The following FAM220A variants were observed in gnomAD, a reference collection of about 807,000 sequenced individuals.
FAM220A encodes the protein family with sequence similarity 220 member A, also known as protein FAM220A.
For synonymous variants in FAM220A, 141 were observed against 130.7 expected (o/e 1.08, Z -0.54); for missense variants, 392 against 321.6 (o/e 1.22, Z -1.68).
At chr7:6,335,700 T>C (rs951137848) in intron 1 of FAM220A, among the ~76,000 whole-genome samples, 2 of 152,174 alleles carry the variant, frequency 1.3e-5, no homozygotes, top group Admixed American at 1.3e-4. Flanking sequence ...AAGTTTTTAC[T>C]GATAGAATTG....
In FAM220A at chr7:6,330,195, A is replaced by G. The variant is rs1293862525; in HGVS notation, c.*180T>C. 10 of 638,812 alleles carry G rather than the reference A, an allele frequency of 1.6e-5. No individual in the cohort carries two copies. Among genetic ancestry groups the G allele is most frequent in the Non-Finnish European group, 2.7e-5 (10 of 367,720 alleles). The allele number at this position is 638,812 out of a possible 1,614,324, so 39.6% of individuals were successfully genotyped here. On this transcript the variant is annotated 3_prime_UTR_variant, in exon 2 of 2. Coordinates refer to ENST00000313324, the MANE Select transcript of FAM220A (RefSeq NM_001037163.2). ...AAAGCACAATTTAACACATGCCAAA[A>G]AAGTTCCTTCCGCATCAACTGGCTT... is the stretch of plus-strand genomic sequence containing the variant.
At position 6,330,415 on chromosome 7, in the gene FAM220A, A is replaced by G; in HGVS notation, c.740T>C (p.Leu247Pro). Residue 247 changes from leucine to proline, a missense_variant, in exon 2 of 2, where the codon CTG becomes CCG. Coordinates refer to ENST00000313324, the MANE Select transcript of FAM220A (RefSeq NM_001037163.2). ...GLQITLGLLA[L>P]QPFELANTLC... ...TGTATTTGCTAATTCAAAAGGTTGC[A>G]GAGCCAGTAACCCCAGTGTTATCTG... 1 of 1,614,024 alleles carries G rather than the reference A, an allele frequency of 6.2e-7. No individual in the cohort carries two copies. The highest frequency in any genetic ancestry group is 1.7e-4 in the Middle Eastern group (1 of 6,058).
rs769565676 is a variant in FAM220A, at chr7:6,330,515, C to G, written c.640G>C (p.Asp214His). Residue 214 changes from aspartate to histidine, a missense_variant, in exon 2 of 2, where the codon GAC becomes CAC. Physicochemically the swap from Asp to His is moderately conservative, Grantham distance 81 (BLOSUM62 -1). Transcript: ENST00000313324. ...TTTGAAAACATGGGCTTTAAACGGT[C>G]AAGGAAAATGCGTTTTGTCTCCTCA... is the stretch of plus-strand genomic sequence containing the variant. ...LSEETKRIFLDRLKPMFSKQT... is the reference protein window; with the variant it reads ...LSEETKRIFLHRLKPMFSKQT... The G allele has an allele frequency of 2.5e-5, 41 of 1,613,990 alleles. No homozygotes were observed. The highest frequency in any genetic ancestry group is 3.2e-5 in the Non-Finnish European group (38 of 1,180,044).
At chr7:6,346,015 T>A (rs2115151362) in intron 1 of FAM220A, among the ~76,000 whole-genome samples, 1 of 152,202 alleles carries the variant, frequency 6.6e-6, no homozygotes, top group East Asian at 1.9e-4. Context: ...GTGATCCGCC[T>A]GCTTCAGCCT....
chr7:6,345,319 T>G (rs1781933426), intron 1 of FAM220A, among the ~76,000 whole-genome samples: 2 of 151,972 alleles, frequency 1.3e-5, no homozygotes, highest in Non-Finnish European at 2.9e-5. Context: ...CTTGCTGTGT[T>G]GCCCAGGCTG....
Position 6,330,999 on chromosome 7 carries a change from A to G in FAM220A, c.156T>C (p.Val52=). ...DAPSWMNKPV[V]DGNSQSEALS... ...ATGCCTCACTTTGTGAATTTCCATCAACCACAGGCTTATTCATCCAGGAGG... is the reference window on the plus strand; with the variant it reads ...ATGCCTCACTTTGTGAATTTCCATCGACCACAGGCTTATTCATCCAGGAGG... The change falls in exon 2 of 2, where the codon GTT becomes GTC. Residue 52 remains valine, a synonymous_variant. Coordinates refer to ENST00000313324, the MANE Select transcript of FAM220A (RefSeq NM_001037163.2). 6.2e-7 allele frequency: 1 copy of G among 1,614,180 alleles called. No homozygotes were observed. The highest frequency in any genetic ancestry group is 8.5e-7 in the Non-Finnish European group (1 of 1,180,042).
intron 1 of FAM220A, among the ~76,000 whole-genome samples, chr7:6,343,872 T>G (rs1282171299): frequency 6.6e-6 from 1 of 152,070 alleles, no homozygotes; most frequent in Non-Finnish European, 1.5e-5. Flanking sequence ...GATTCTAACA[T>G]TCCTGCAATG....
At chr7:6,346,409 C>T (rs1165957159) in intron 1 of FAM220A, among the ~76,000 whole-genome samples, 1 of 152,190 alleles carries the variant, frequency 6.6e-6, no homozygotes, top group Non-Finnish European at 1.5e-5. Context: ...TACTGTCGCC[C>T]AGGCTGGAGT....
chr7:6,337,663 A>G (rs1173445781), intron 1 of FAM220A, among the ~76,000 whole-genome samples: 1 of 151,752 alleles, frequency 6.6e-6, no homozygotes, highest in Non-Finnish European at 1.5e-5. Context: ...ACTCAGAAAC[A>G]TAAAAAAATT....
rs763919944 is a variant in FAM220A, at chr7:6,330,602, G to A, written c.553C>T (p.Pro185Ser). Reference sequence around the variant, plus strand: ...GACAGGATGGAGTGCAGGCAAGCGGGTTCCAACTCAGAGCCCAGACCCTTG... The same window carrying A: ...GACAGGATGGAGTGCAGGCAAGCGGATTCCAACTCAGAGCCCAGACCCTTG... ...FPKGLGSELE[P>S]ACLHSILSAT... The change falls in exon 2 of 2, where the codon CCC (proline) becomes TCC (serine). Residue 185 changes from proline to serine, a missense_variant. Transcript: ENST00000313324. The A allele has an allele frequency of 1.9e-6, 3 of 1,614,168 alleles. No homozygotes were observed. Among genetic ancestry groups the A allele is most frequent in the Non-Finnish European group, 2.5e-6 (3 of 1,180,036 alleles).
At chr7:6,337,073 C>T (rs1186322423) in intron 1 of FAM220A, among the ~76,000 whole-genome samples, 7 of 144,884 alleles carry the variant, frequency 4.8e-5, no homozygotes, top group Non-Finnish European at 9.1e-5. Context: ...TATTTTAATT[C>T]TTTTTTTTTT....
chr7:6,343,625 A>T (rs552869987), intron 1 of FAM220A, among the ~76,000 whole-genome samples: 1 of 151,924 alleles, frequency 6.6e-6, no homozygotes, highest in East Asian at 1.9e-4. Flanking sequence ...TATAAATAAG[A>T]AGGATGCTAA....
chr7:6,343,282 C>G (rs985952212), intron 1 of FAM220A, among the ~76,000 whole-genome samples: 1 of 150,486 alleles, frequency 6.6e-6, no homozygotes, highest in African/African-American at 2.4e-5. Flanking sequence ...GAGGCTGAGG[C>G]AGGAGAATCG....
At chr7:6,333,344 T>C (rs1322830891) in intron 1 of FAM220A, among the ~76,000 whole-genome samples, 1 of 151,798 alleles carries the variant, frequency 6.6e-6, no homozygotes, top group Non-Finnish European at 1.5e-5. Context: ...GATGGCTGGA[T>C]TTGCATTTCA....
At chr7:6,337,874 G>A (rs750515591) in intron 1 of FAM220A, among the ~76,000 whole-genome samples, 1 of 151,476 alleles carries the variant, frequency 6.6e-6, no homozygotes, top group Non-Finnish European at 1.5e-5. Context: ...TGCAATCTTG[G>A]CTCACTGCAA....
chr7:6,331,327 A>G, intron 1 of FAM220A, 92 bp from the exon 2 acceptor site: 1 of 664,510 alleles, frequency 1.5e-6, no homozygotes, highest in Non-Finnish European at 2.6e-6. Flanking sequence ...ACAAACACTG[A>G]GATCTTTATG....
intron 1 of FAM220A, among the ~76,000 whole-genome samples, chr7:6,339,238 T>C (rs1453243149): frequency 6.6e-6 from 1 of 151,814 alleles, no homozygotes; most frequent in African/African-American, 2.4e-5. Flanking sequence ...GAGGCCGAGG[T>C]GGGGAGATCA....
At chr7:6,335,497 G>C (rs1781727313) in intron 1 of FAM220A, among the ~76,000 whole-genome samples, 1 of 151,866 alleles carries the variant, frequency 6.6e-6, no homozygotes, top group South Asian at 2.1e-4. Flanking sequence ...CAAAGTGTTG[G>C]GACTACAGGT....
Position 6,330,098 on chromosome 7 carries a change from A to G in FAM220A, c.*277T>C. On this transcript the variant is annotated 3_prime_UTR_variant, in exon 2 of 2. Transcript: ENST00000313324. The stretch of plus-strand genomic sequence containing the variant: ...AGACAGAACTTCATGGTAAATCCGT[A>G]TGTTCTAATCTGGTATTTATACAGG... 2.5e-6 allele frequency: 1 copy of G among 393,822 alleles called. No individual in the cohort carries two copies. Among genetic ancestry groups the G allele is most frequent in the Non-Finnish European group, 4.7e-6 (1 of 211,572 alleles). 24.4% of individuals were successfully genotyped at this position (393,822 alleles called of 1,614,324 possible). A position where few individuals can be genotyped will look rare whatever the true frequency, so the allele number is the denominator to read the frequency against.
Sources: allele counts gnomAD v4.1 joint callset (sites outside exome capture counted in the v4.1 genomes callset), GRCh38; gene constraint gnomAD v4.1.1; transcripts MANE v1.5; gene names NCBI Gene and HGNC (gene_info 2026-07-23, HGNC 2026-07-21).